The following SEZ6L variants were observed in gnomAD, a reference collection of about 807,000 sequenced individuals.
SEZ6L encodes the protein seizure related 6 homolog like.
In SEZ6L, 37 loss-of-function variants were observed where a neutral mutation model predicts 106.2. That is an observed-to-expected ratio of 0.35 (90% CI 0.27 to 0.46). The LOEUF (loss-of-function observed/expected upper bound fraction) is 0.46. Among genes scored for constraint, SEZ6L ranks in the 20% least tolerant of loss-of-function variants. The pLI, the probability that SEZ6L is intolerant of heterozygous loss-of-function variation, is 1.00. For synonymous variants in SEZ6L, 541 were observed against 570.4 expected (o/e 0.95, Z 0.73); for missense variants, 1,172 against 1,332.8 (o/e 0.88, Z 1.88).
chr22:26,296,930 C>A lies in SEZ6L; in HGVS notation c.1012C>A (p.Arg338Ser). ...NLSDGELLSI[R>S]GVDGPTLTVL... ...GTCCGATGGGGAACTGCTCTCCATCCGCGGGGTGGACGGCCCTACCCTGAC... is the reference window on the plus strand; with the variant it reads ...GTCCGATGGGGAACTGCTCTCCATCAGCGGGGTGGACGGCCCTACCCTGAC... The change falls in exon 4 of 17, where the codon CGC (arginine) becomes AGC (serine). Residue 338 changes from arginine to serine, a missense_variant. Physicochemically the swap from Arg to Ser is moderately radical, Grantham distance 110. Coordinates refer to ENST00000248933, the MANE Select transcript of SEZ6L (RefSeq NM_021115.5). 6.2e-7 allele frequency: 1 copy of A among 1,612,748 alleles called. No individual in the cohort carries two copies. Among genetic ancestry groups the A allele is most frequent in the Non-Finnish European group, 8.5e-7 (1 of 1,179,336 alleles).
At chr22:26,331,403 T>C (rs2082476252) in intron 9 of SEZ6L, among the ~76,000 whole-genome samples, 1 of 152,130 alleles carries the variant, frequency 6.6e-6, no homozygotes. Context: ...GAAAATTGAG[T>C]TTCCCATCCT....
chr22:26,356,667 AATAAT>A (rs1480826182), intron 12 of SEZ6L, among the ~76,000 whole-genome samples: 1 of 147,318 alleles, frequency 6.8e-6, no homozygotes, highest in Non-Finnish European at 1.5e-5. Flanking sequence ...TAATAATAAT[AATAAT>A]AATAATAATA....
chr22:26,344,992 A>G (rs1310237197), intron 10 of SEZ6L, among the ~76,000 whole-genome samples: 1 of 152,234 alleles, frequency 6.6e-6, no homozygotes, highest in Non-Finnish European at 1.5e-5. Context: ...GCCCATGGGA[A>G]CAGACCATTC....
chr22:26,196,262 A>G (rs370229752), intron 1 of SEZ6L, among the ~76,000 whole-genome samples: 2 of 152,062 alleles, frequency 1.3e-5, no homozygotes, highest in East Asian at 3.8e-4. Context: ...ACCTTCCACC[A>G]GTTTTGTAAG....
At chr22:26,302,279 T>C (rs565918614) in intron 5 of SEZ6L, among the ~76,000 whole-genome samples, 1 of 152,302 alleles carries the variant, frequency 6.6e-6, no homozygotes, top group Non-Finnish European at 1.5e-5. Context: ...ATCAAAATTT[T>C]CACTTTAACA....
chr22:26,334,446 C>T lies in SEZ6L; in HGVS notation c.2016-5990C>T, dbSNP rs535952114. On this transcript the variant is annotated intron_variant, in intron 9 of 16. Transcript: ENST00000248933. ...TTTCCGAGGTTCACCTGTGCTGCGG[C>T]GTGGGCCAGTGCTGCATTCCTTTTT... Among the ~76,000 whole-genome samples, 82 of 152,320 alleles carry T rather than the reference C, an allele frequency of 5.4e-4. No individual in the cohort carries two copies. The South Asian group carries it at 0.016, about 30-fold the overall frequency.
chr22:26,234,563 G>A (rs2078900221), intron 1 of SEZ6L, among the ~76,000 whole-genome samples: 1 of 152,224 alleles, frequency 6.6e-6, no homozygotes, highest in Non-Finnish European at 1.5e-5. Context: ...TGACAGCCCA[G>A]AACAGCATTC....
intron 1 of SEZ6L, among the ~76,000 whole-genome samples, chr22:26,291,653 G>C (rs572116534): frequency 6.6e-6 from 1 of 152,216 alleles, no homozygotes; most frequent in South Asian, 2.1e-4. Context: ...CCCAGCCAGA[G>C]CACACAGCTT....
At chr22:26,302,919 A>C (rs547744163) in intron 5 of SEZ6L, among the ~76,000 whole-genome samples, 2 of 152,330 alleles carry the variant, frequency 1.3e-5, no homozygotes, top group East Asian at 3.9e-4. Context: ...AGTGTCCTCC[A>C]TTTCTCAGCT....
At chr22:26,265,534 G>C (rs4640491) in intron 1 of SEZ6L, among the ~76,000 whole-genome samples, 1 of 152,058 alleles carries the variant, frequency 6.6e-6, no homozygotes, top group Admixed American at 6.5e-5. Flanking sequence ...TTGAAGAATC[G>C]TGTCTTTTCT....
At chr22:26,174,019 C>A (rs759395832) in intron 1 of SEZ6L, among the ~76,000 whole-genome samples, 1 of 152,156 alleles carries the variant, frequency 6.6e-6, no homozygotes, top group Non-Finnish European at 1.5e-5. Flanking sequence ...ACTACGCATG[C>A]GGTAGACCTT....
chr22:26,205,734 T>C (rs1941240261), intron 1 of SEZ6L, among the ~76,000 whole-genome samples: 1 of 152,210 alleles, frequency 6.6e-6, no homozygotes. Flanking sequence ...AATTTCTTTA[T>C]TCTTGAATTA....
chr22:26,186,448 A>T (rs955722939), intron 1 of SEZ6L, among the ~76,000 whole-genome samples: 1 of 152,108 alleles, frequency 6.6e-6, no homozygotes, highest in Admixed American at 6.5e-5. Context: ...GCTAACTCCA[A>T]ATATAAATGG....
At chr22:26,289,668 A>C (rs2081047335) in intron 1 of SEZ6L, among the ~76,000 whole-genome samples, 2 of 152,232 alleles carry the variant, frequency 1.3e-5, no homozygotes, top group South Asian at 4.1e-4. Flanking sequence ...TCAATGTTAC[A>C]CAACAGGAAC....
intron 1 of SEZ6L, among the ~76,000 whole-genome samples, chr22:26,239,379 C>A (rs907574865): frequency 1.3e-5 from 2 of 152,208 alleles, no homozygotes; most frequent in African/African-American, 4.8e-5. Context: ...TCTTTGGAAG[C>A]CTTCTCAAGC....
intron 9 of SEZ6L, among the ~76,000 whole-genome samples, chr22:26,338,630 G>A (rs1395322531): frequency 6.6e-6 from 1 of 152,044 alleles, no homozygotes; most frequent in African/African-American, 2.4e-5. Context: ...CACAATCTCA[G>A]CTCACTTCAA....
At chr22:26,370,664 GA>G (rs1601640205) in intron 13 of SEZ6L, among the ~76,000 whole-genome samples, 1 of 150,634 alleles carries the variant, frequency 6.6e-6, no homozygotes, top group East Asian at 2.0e-4. Context: ...GACATATTTG[GA>G]AAGAGAGAGG....
At chr22:26,184,332 A>AT (rs1939621712) in intron 1 of SEZ6L, among the ~76,000 whole-genome samples, 1 of 152,098 alleles carries the variant, frequency 6.6e-6, no homozygotes, top group Admixed American at 6.5e-5. Context: ...CACTTCTGGG[A>AT]TCCCTAACCA....
At chr22:26,323,027 A>G (rs6005014) in intron 9 of SEZ6L, among the ~76,000 whole-genome samples, 13,380 of 152,286 alleles carry the variant, frequency 0.088, 1,005 homozygotes, top group African/African-American at 0.21. Context: ...AGAAGATCCG[A>G]GAGGGGCCCC....
Sources: gnomAD v4.1 joint callset for allele counts (sites outside exome capture counted in the v4.1 genomes callset) on GRCh38, gnomAD v4.1.1 for gene constraint, MANE v1.5 for transcripts, NCBI Gene and HGNC (gene_info 2026-07-23, HGNC 2026-07-21) for gene names.